ROBO2: variants seen among roughly 807,000 people sequenced by gnomAD.
The protein encoded by ROBO2 is roundabout guidance receptor 2.
In ROBO2, 53 loss-of-function variants were observed where a neutral mutation model predicts 160.8. The ratio of observed to expected loss-of-function variants is 0.33; its 90% CI spans 0.26 to 0.41. The LOEUF is 0.41. Ranked by LOEUF, ROBO2 falls within the 10% of genes least tolerant of loss-of-function variation. The pLI, the probability that ROBO2 is intolerant of heterozygous loss-of-function variation, is 1.00. For missense variants in ROBO2, 1,577 were observed against 1,722.4 expected, an observed-to-expected ratio of 0.92 and a Z score of 1.49; for synonymous variants, 664 against 611.7, an observed-to-expected ratio of 1.09 and a Z score of -1.26.
intron 2 of ROBO2, among the ~76,000 whole-genome samples, chr3:77,004,856 G>A (rs1188311260): frequency 6.6e-6 from 1 of 152,084 alleles, no homozygotes; most frequent in African/African-American, 2.4e-5. Flanking sequence ...CCCCATCTTA[G>A]ACATTTCAGA....
chr3:76,645,565 T>C (rs1027280597), intron 2 of ROBO2, among the ~76,000 whole-genome samples: 6 of 152,150 alleles, frequency 3.9e-5, no homozygotes, highest in African/African-American at 1.2e-4. Context: ...TATAGTGAAC[T>C]CTTAGTCTAG....
chr3:76,579,771 AC>A (rs2085532797), intron 2 of ROBO2, among the ~76,000 whole-genome samples: 2 of 133,940 alleles, frequency 1.5e-5, no homozygotes, highest in South Asian at 5.2e-4. Flanking sequence ...AAAAGCTATG[AC>A]TTTGGTTGAG....
chr3:76,699,258 G>A (rs1046398211), intron 2 of ROBO2, among the ~76,000 whole-genome samples: 3 of 151,832 alleles, frequency 2.0e-5, no homozygotes, highest in African/African-American at 7.2e-5. Flanking sequence ...CAGATCTGCT[G>A]TTTATCCAGG....
At chr3:75,932,400 T>C (rs2106946573) in intron 1 of ROBO2, among the ~76,000 whole-genome samples, 1 of 152,318 alleles carries the variant, frequency 6.6e-6, no homozygotes, top group Non-Finnish European at 1.5e-5. Flanking sequence ...GAAATCTGTT[T>C]ATCTATAATT....
At chr3:75,996,192 G>A (rs1423298769) in intron 2 of ROBO2, among the ~76,000 whole-genome samples, 1 of 152,146 alleles carries the variant, frequency 6.6e-6, no homozygotes, top group Non-Finnish European at 1.5e-5. Context: ...TGGTTTGTCT[G>A]CCCACCTAAA....
chr3:77,027,621 T>C (rs566953129), intron 2 of ROBO2, among the ~76,000 whole-genome samples: 24 of 152,220 alleles, frequency 1.6e-4, no homozygotes, highest in Non-Finnish European at 2.1e-4. Flanking sequence ...CACATTTATG[T>C]CAGTATGGTA....
At chr3:76,541,008 C>A (rs2108228576) in intron 2 of ROBO2, among the ~76,000 whole-genome samples, 1 of 152,208 alleles carries the variant, frequency 6.6e-6, no homozygotes, top group African/African-American at 2.4e-5. Context: ...CCATGTGGGC[C>A]CAACTGGTCT....
intron 2 of ROBO2, among the ~76,000 whole-genome samples, chr3:75,971,539 C>A (rs2064994253): frequency 6.6e-6 from 1 of 151,458 alleles, no homozygotes; most frequent in Non-Finnish European, 1.5e-5. Flanking sequence ...CCTACTTTGT[C>A]AAACTCTCTA....
At chr3:77,296,159 A>G (rs189975282) in intron 2 of ROBO2, among the ~76,000 whole-genome samples, 211 of 151,884 alleles carry the variant, frequency 1.4e-3, no homozygotes, top group Non-Finnish European at 2.6e-3. Context: ...TGACGGCTAA[A>G]CGAGTAAGCT....
chr3:76,879,627 C>A (rs536955089), intron 2 of ROBO2, among the ~76,000 whole-genome samples: 1 of 152,108 alleles, frequency 6.6e-6, no homozygotes, highest in South Asian at 2.1e-4. Flanking sequence ...CAAACACAAT[C>A]AAGAAGCTAG....
chr3:76,712,778 C>A (rs1194807528), intron 2 of ROBO2, among the ~76,000 whole-genome samples: 1 of 152,012 alleles, frequency 6.6e-6, no homozygotes, highest in African/African-American at 2.4e-5. Context: ...TTTTCGCCAG[C>A]AAACTCTTGC....
chr3:76,964,940 C>T (rs1235755341), intron 2 of ROBO2, among the ~76,000 whole-genome samples: 1 of 152,144 alleles, frequency 6.6e-6, no homozygotes, highest in East Asian at 1.9e-4. Context: ...TTTTCATGAA[C>T]AATGTTGTAA....
chr3:76,052,117 T>C (rs1441511218), intron 2 of ROBO2, among the ~76,000 whole-genome samples: 2 of 152,080 alleles, frequency 1.3e-5, no homozygotes, highest in Admixed American at 1.3e-4. Context: ...AACCTATGTG[T>C]GAACAACAAT....
At chr3:77,578,104 C>A (rs2093815780) in intron 15 of ROBO2, among the ~76,000 whole-genome samples, 2 of 151,644 alleles carry the variant, frequency 1.3e-5, no homozygotes, top group African/African-American at 4.8e-5. Flanking sequence ...GAATATTTCA[C>A]CTGAAAAAAA....
chr3:77,482,788 A>G (rs770409037), intron 4 of ROBO2, among the ~76,000 whole-genome samples: 33 of 152,036 alleles, frequency 2.2e-4, no homozygotes, highest in Non-Finnish European at 4.0e-4. Context: ...TTGAAAGCCC[A>G]CAAGTATAGC....
chr3:76,853,262 A>G (rs182459958), intron 2 of ROBO2, among the ~76,000 whole-genome samples: 1 of 152,216 alleles, frequency 6.6e-6, no homozygotes, highest in Admixed American at 6.5e-5. Context: ...TAACTAAAAA[A>G]TAGTTGGTAA....
chr3:77,319,970 C>T (rs1439149328), intron 2 of ROBO2, among the ~76,000 whole-genome samples: 1 of 152,152 alleles, frequency 6.6e-6, no homozygotes, highest in Non-Finnish European at 1.5e-5. Context: ...AATTGTATGC[C>T]TGATTGATTT....
At chr3:76,060,282 A>AAATTAAAAAG (rs1275403266) in intron 2 of ROBO2, among the ~76,000 whole-genome samples, 1 of 137,158 alleles carries the variant, frequency 7.3e-6, no homozygotes, top group Non-Finnish European at 1.5e-5. Flanking sequence ...TCACACAGAG[A>AAATTAAAAAG]CCTGATTTTT....
At chr3:76,216,289 G>C (rs1443258964) in intron 2 of ROBO2, among the ~76,000 whole-genome samples, 1 of 152,072 alleles carries the variant, frequency 6.6e-6, no homozygotes, top group Non-Finnish European at 1.5e-5. Context: ...CATAATGAGA[G>C]GATAAAATTC....
Sources: allele counts gnomAD v4.1 joint callset (sites outside exome capture counted in the v4.1 genomes callset), GRCh38; gene constraint gnomAD v4.1.1; transcripts MANE v1.5; gene names NCBI Gene and HGNC (gene_info 2026-07-23, HGNC 2026-07-21).